Variants in HDLBP observed in about 807,000 individuals in gnomAD.
HDLBP encodes vigilin.
A neutral mutation model predicts 137.3 loss-of-function variants in HDLBP; 30 were observed. That is an observed-to-expected ratio of 0.22 (90% CI 0.16 to 0.30). The LOEUF is 0.30. Ranked by LOEUF, HDLBP falls within the 10% of genes least tolerant of loss-of-function variation. HDLBP has a pLI of 1.00. For synonymous variants in HDLBP, 606 were observed against 596.0 expected, an observed-to-expected ratio of 1.02 and a Z score of -0.24; for missense variants, 1,119 against 1,667.3, an observed-to-expected ratio of 0.67 and a Z score of 5.73.
chr2:241,290,793 T>C (rs933746217), intron 1 of HDLBP, among the ~76,000 whole-genome samples: 2 of 152,212 alleles, frequency 1.3e-5, no homozygotes, highest in African/African-American at 4.8e-5. Flanking sequence ...CAAATGTATC[T>C]AACAATGTCA....
rs909767870 is a variant in HDLBP at position 241,227,651 on chromosome 2, TTGG to T, written c.*1947_*1949del. ...AGCGACATACAGAGATGTGCAAAAC[TTGG>T]TGAGAATTAAAATTGACCTTTGGGA... On this transcript the variant is annotated 3_prime_UTR_variant, in exon 28 of 28. Coordinates refer to ENST00000310931, the MANE Select transcript of HDLBP (RefSeq NM_005336.6). The T allele has an allele frequency of 2.0e-5, 3 of 152,624 alleles. No individual in the cohort carries two copies. The highest frequency in any genetic ancestry group is 7.2e-5 in the African/African-American group (3 of 41,446). 9.5% of individuals were successfully genotyped at this position (152,624 alleles called of 1,614,324 possible). A position where few individuals can be genotyped will look rare whatever the true frequency, so the allele number is the denominator to read the frequency against.
intron 9 of HDLBP, among the ~76,000 whole-genome samples, chr2:241,253,810 C>T (rs2072396934): frequency 6.6e-6 from 1 of 152,210 alleles, no homozygotes; most frequent in Admixed American, 6.5e-5. Flanking sequence ...TTTACAAGGC[C>T]TGGTCCTCTT....
At chr2:241,291,220 G>A (rs952148012) in intron 1 of HDLBP, among the ~76,000 whole-genome samples, 2 of 152,176 alleles carry the variant, frequency 1.3e-5, no homozygotes, top group Non-Finnish European at 2.9e-5. Context: ...CTAAGAAAAT[G>A]ATACACATTG....
intron 1 of HDLBP, among the ~76,000 whole-genome samples, chr2:241,309,094 T>C (rs1161842895): frequency 1.3e-5 from 2 of 152,208 alleles, no homozygotes; most frequent in Non-Finnish European, 2.9e-5. Context: ...TGTTTGCTCA[T>C]CTCAAGTTTG....
At chr2:241,249,401 G>T (rs1022713155) in intron 12 of HDLBP, 2 of 473,688 alleles carry the variant, frequency 4.2e-6, no homozygotes, top group African/African-American at 4.0e-5. Context: ...TGTATGAAAC[G>T]TCGGGGAGCC....
intron 5 of HDLBP, among the ~76,000 whole-genome samples, chr2:241,258,385 A>ATGGTGACGTGGTGACG (rs146433361): frequency 6.9e-6 from 1 of 144,202 alleles, no homozygotes; most frequent in African/African-American, 2.6e-5. Context: ...TTAGCTGGCC[A>ATGGTGACGTGGTGACG]TGGTGACGTG....
At chr2:241,235,742 A>G in intron 21 of HDLBP, 148 bp from the exon 22 acceptor site, 1 of 598,468 alleles carries the variant, frequency 1.7e-6, no homozygotes. Context: ...AGGACCTTTA[A>G]CTCAATAGAA....
chr2:241,314,078 C>G (rs1231887712), intron 1 of HDLBP, among the ~76,000 whole-genome samples: 1 of 152,158 alleles, frequency 6.6e-6, no homozygotes, highest in Non-Finnish European at 1.5e-5. Flanking sequence ...CCATTTTCCC[C>G]AAGTCTAAAA....
At chr2:241,267,107 A>C (rs77211431) in intron 2 of HDLBP, among the ~76,000 whole-genome samples, 131 of 152,332 alleles carry the variant, frequency 8.6e-4, no homozygotes, top group African/African-American at 3.0e-3. Flanking sequence ...CAAGTAAAGG[A>C]GGTCCTAGAA....
intron 15 of HDLBP, 65 bp from the exon 16 acceptor site, chr2:241,246,948 G>C: frequency 6.3e-7 from 1 of 1,593,704 alleles, no homozygotes; most frequent in East Asian, 2.2e-5. Flanking sequence ...ACACAGTTGA[G>C]CACAGGGCTA....
rs1291819958 is a variant in HDLBP at position 241,228,106 on chromosome 2, TGA to T, written c.*1493_*1494del. 6.6e-6 allele frequency: 1 copy of T among 152,230 alleles called. No individual in the cohort carries two copies. The highest frequency in any genetic ancestry group is 1.5e-5 in the Non-Finnish European group (1 of 68,054). 9.4% of individuals were successfully genotyped at this position (152,230 alleles called of 1,614,324 possible). ...GATGACCAAGCTTGAGTTATTCAACTGAGAGTGAGGTGTCAAGGCGGAAGCGA... is the reference window on the plus strand; with the variant it reads ...GATGACCAAGCTTGAGTTATTCAACTGAGTGAGGTGTCAAGGCGGAAGCGA... On this transcript the variant is annotated 3_prime_UTR_variant, in exon 28 of 28. Transcript: ENST00000310931.
At chr2:241,296,371 T>C (rs1559551694) in intron 1 of HDLBP, among the ~76,000 whole-genome samples, 1 of 152,208 alleles carries the variant, frequency 6.6e-6, no homozygotes, top group Admixed American at 6.5e-5. Flanking sequence ...ATTGGAGATC[T>C]GGATGTAAAC....
At chr2:241,269,433 T>C (rs2073905829) in intron 1 of HDLBP, 1 of 152,042 alleles carries the variant, frequency 6.6e-6, no homozygotes, top group Non-Finnish European at 1.5e-5. Context: ...TGGGGGAGCA[T>C]CCAGTAGACT....
intron 1 of HDLBP, chr2:241,271,160 C>T (rs1032481466): frequency 1.0e-6 from 1 of 983,780 alleles, no homozygotes; most frequent in Non-Finnish European, 1.2e-6. Flanking sequence ...CCTTCAGTCC[C>T]TCCCATATGG....
chr2:241,266,580 T>A (rs1166620366), intron 3 of HDLBP: 1 of 529,860 alleles, frequency 1.9e-6, no homozygotes, highest in East Asian at 3.1e-5. Flanking sequence ...GCCCACATGT[T>A]AAATCTCACT....
chr2:241,262,623 G>T, intron 5 of HDLBP, 88 bp downstream of exon 5: 1 of 955,070 alleles, frequency 1.0e-6, no homozygotes, highest in Non-Finnish European at 1.7e-6. Flanking sequence ...TGGTAGGAAG[G>T]GTCCAGTGAC....
intron 5 of HDLBP, among the ~76,000 whole-genome samples, chr2:241,257,378 G>A (rs1268796489): frequency 3.9e-5 from 6 of 152,136 alleles, no homozygotes; most frequent in Non-Finnish European, 5.9e-5. Flanking sequence ...GACTACAGGC[G>A]TGCGCCACCA....
chr2:241,314,325 T>C (rs2075903216), intron 1 of HDLBP, among the ~76,000 whole-genome samples: 3 of 152,226 alleles, frequency 2.0e-5, no homozygotes, highest in African/African-American at 7.2e-5. Context: ...TAAATGAACA[T>C]TAAGCTTATT....
chr2:241,254,485 T>A (rs2072456272), intron 9 of HDLBP, among the ~76,000 whole-genome samples: 1 of 151,164 alleles, frequency 6.6e-6, no homozygotes, highest in African/African-American at 2.4e-5. Context: ...CTCTTCAAAG[T>A]ATTTTTTTTT....
Sources: allele counts gnomAD v4.1 joint callset (sites outside exome capture counted in the v4.1 genomes callset), GRCh38; gene constraint gnomAD v4.1.1; transcripts MANE v1.5; gene names NCBI Gene and HGNC (gene_info 2026-07-23, HGNC 2026-07-21).